Variants in NKAIN2 observed in about 807,000 individuals in gnomAD.
NKAIN2 encodes the protein sodium/potassium-transporting ATPase subunit beta-1-interacting protein 2.
NKAIN2 carries 14 observed loss-of-function variants against 32.6 expected under a neutral mutation model. The observed-to-expected ratio is 0.43, with a 90% CI of 0.28 to 0.67. The LOEUF is 0.67. NKAIN2 is among the 30% of genes least tolerant of loss of function. The pLI is 0.17. For missense variants in NKAIN2, 198 were observed against 258.3 expected (o/e 0.77, Z 1.60); for synonymous variants, 80 against 87.2 (o/e 0.92, Z 0.46).
chr6:123,988,903 G>GTGTGTA lies in NKAIN2; in HGVS notation c.54+184652_54+184653insGTATGT, dbSNP rs149176584. 8.9e-3 allele frequency among the ~76,000 whole-genome samples: 1,311 copies of GTGTGTA among 148,104 alleles called. 5 individuals carry two copies. Among genetic ancestry groups the GTGTGTA allele is most frequent in the East Asian group, 0.017 (87 of 5,018 alleles). On this transcript the variant is annotated intron_variant, in intron 1 of 6. Coordinates refer to ENST00000368417, the MANE Select transcript of NKAIN2 (RefSeq NM_001040214.3). ...TGTGTGTGTGTGTGTGTGTGTGTGT[G>GTGTGTA]TGTATGTGAGTGTGTATTTGCTGCT...
In NKAIN2 at chr6:124,306,573, AG is replaced by A. The variant is rs1366429323; in HGVS notation, c.192+23432del. Among the ~76,000 whole-genome samples, 6 of 152,298 alleles carry A rather than the reference AG, an allele frequency of 3.9e-5. No homozygotes were observed. In the East Asian group the frequency reaches 9.6e-4, roughly 24 times the overall value. ...AGTACTTCTATTGATCAATACAGCA[AG>A]CTGCCTTTGAAGTTTATATGCTGAG... On this transcript the variant is annotated intron_variant, in intron 2 of 6. Coordinates refer to ENST00000368417, the MANE Select transcript of NKAIN2 (RefSeq NM_001040214.3).
chr6:123,812,704 C>T (rs1368242055), intron 1 of NKAIN2, among the ~76,000 whole-genome samples: 1 of 152,186 alleles, frequency 6.6e-6, no homozygotes, highest in Non-Finnish European at 1.5e-5. Context: ...CTAGCTTTTC[C>T]AGCATCTCAG....
At chr6:124,028,751 A>ACACG (rs1219216872) in intron 1 of NKAIN2, among the ~76,000 whole-genome samples, 1 of 142,424 alleles carries the variant, frequency 7.0e-6, no homozygotes, top group African/African-American at 2.9e-5. Flanking sequence ...ATATGTGTAT[A>ACACG]TATACAAGTA....
At chr6:123,938,420 A>ATT (rs1284380433) in intron 1 of NKAIN2, among the ~76,000 whole-genome samples, 79 of 40,988 alleles carry the variant, frequency 1.9e-3, no homozygotes, top group African/African-American at 0.012. Flanking sequence ...ATATATATAT[A>ATT]TATATATATA....
chr6:124,685,632 A>G (rs1255667049), intron 4 of NKAIN2, among the ~76,000 whole-genome samples: 2 of 152,200 alleles, frequency 1.3e-5, no homozygotes, highest in Admixed American at 6.5e-5. Flanking sequence ...ATGAAATGCT[A>G]TCCTAAGAAC....
rs373377675 is a variant in NKAIN2, at chr6:124,737,780, A to T, written c.475-53559A>T. 8.6e-5 allele frequency among the ~76,000 whole-genome samples: 13 copies of T among 151,988 alleles called. No homozygotes were observed. The East Asian group carries it at 2.1e-3, about 25-fold the overall frequency. On this transcript the variant is annotated intron_variant, in intron 4 of 6. Coordinates refer to ENST00000368417, the MANE Select transcript of NKAIN2 (RefSeq NM_001040214.3). The stretch of plus-strand genomic sequence containing the variant: ...CAGGCTGAGGTGGTCTCAGATGGTG[A>T]TGAGGAACTTGTTGAGAACTGGAGC...
chr6:124,522,211 ATATTC>A lies in NKAIN2; in HGVS notation c.274-135968_274-135964del, dbSNP rs1433676049. Among the ~76,000 whole-genome samples, 58 of 152,326 alleles carry A rather than the reference ATATTC, an allele frequency of 3.8e-4. 1 individual carries two copies. The highest frequency in any genetic ancestry group is 1.4e-3 in the African/African-American group (57 of 41,588). On this transcript the variant is annotated intron_variant, in intron 3 of 6. Coordinates refer to ENST00000368417, the MANE Select transcript of NKAIN2 (RefSeq NM_001040214.3). ...GCCACTAACATATATCTGTAAAGTTATATTCTATTCTCTGATAAGAATGATGCTAT... is the reference window on the plus strand; with the variant it reads ...GCCACTAACATATATCTGTAAAGTTATATTCTCTGATAAGAATGATGCTAT...
chr6:123,899,121 T>C (rs919574170), intron 1 of NKAIN2, among the ~76,000 whole-genome samples: 1 of 152,200 alleles, frequency 6.6e-6, no homozygotes, highest in Non-Finnish European at 1.5e-5. Flanking sequence ...GTATGATAGG[T>C]ATTGATCTCA....
chr6:124,060,399 G>A (rs775731332), intron 1 of NKAIN2, among the ~76,000 whole-genome samples: 11 of 152,050 alleles, frequency 7.2e-5, no homozygotes, highest in Admixed American at 2.0e-4. Flanking sequence ...TATATACCAC[G>A]TCCTCCACCC....
At chr6:124,363,481 G>A (rs1164382795) in intron 3 of NKAIN2, among the ~76,000 whole-genome samples, 2 of 152,160 alleles carry the variant, frequency 1.3e-5, no homozygotes, top group Non-Finnish European at 2.9e-5. Context: ...AGTGCACATA[G>A]GCAATTTTTC....
At chr6:124,464,011 C>A (rs116613182) in intron 3 of NKAIN2, among the ~76,000 whole-genome samples, 6,918 of 152,126 alleles carry the variant, frequency 0.045, 543 homozygotes, top group African/African-American at 0.16. Context: ...GTGACAAAGT[C>A]TTACTTTGTC....
intron 1 of NKAIN2, among the ~76,000 whole-genome samples, chr6:124,005,844 A>G (rs572824739): frequency 2.0e-5 from 3 of 152,150 alleles, no homozygotes; most frequent in South Asian, 4.1e-4. Context: ...CACTTGGTCA[A>G]TCTATCACTA....
At chr6:124,206,457 G>A (rs953221446) in intron 1 of NKAIN2, among the ~76,000 whole-genome samples, 1 of 151,856 alleles carries the variant, frequency 6.6e-6, no homozygotes, top group Non-Finnish European at 1.5e-5. Context: ...AAATTTAAGA[G>A]ATTGTTTTTT....
chr6:124,559,149 T>C (rs1583438007), intron 3 of NKAIN2, among the ~76,000 whole-genome samples: 1 of 152,184 alleles, frequency 6.6e-6, no homozygotes, highest in Non-Finnish European at 1.5e-5. Context: ...TGGACTGATA[T>C]GAATCTTGAA....
intron 4 of NKAIN2, among the ~76,000 whole-genome samples, chr6:124,682,845 A>G (rs1385391563): frequency 3.3e-5 from 5 of 152,262 alleles, no homozygotes; most frequent in Middle Eastern, 3.4e-3. Flanking sequence ...CACCCTACAT[A>G]TGGAAGGCCC....
chr6:124,158,244 T>C lies in NKAIN2; in HGVS notation c.55-124761T>C, dbSNP rs187959417. On this transcript the variant is annotated intron_variant, in intron 1 of 6. Transcript: ENST00000368417. Reference sequence around the variant, plus strand: ...TCTTCTTATGCATCCCTGGTGTCGCTGTGTGTCCTAATCACCTCTTCTTAT... The same window carrying C: ...TCTTCTTATGCATCCCTGGTGTCGCCGTGTGTCCTAATCACCTCTTCTTAT... Among the ~76,000 whole-genome samples, 133 of 152,256 alleles carry C rather than the reference T, an allele frequency of 8.7e-4. 1 individual carries two copies. The highest frequency in any genetic ancestry group is 6.8e-3 in the Middle Eastern group (2 of 294).
intron 1 of NKAIN2, among the ~76,000 whole-genome samples, chr6:124,194,682 T>C (rs1395961856): frequency 6.6e-6 from 1 of 152,148 alleles, no homozygotes; most frequent in Non-Finnish European, 1.5e-5. Flanking sequence ...TAGTACACGA[T>C]GCTATATTAT....
intron 1 of NKAIN2, among the ~76,000 whole-genome samples, chr6:124,002,081 A>G (rs1269752328): frequency 6.6e-6 from 1 of 152,046 alleles, no homozygotes; most frequent in Non-Finnish European, 1.5e-5. Flanking sequence ...GAAAAAGGAA[A>G]TATCTTCATA....
At chr6:124,784,546 G>C (rs1184752405) in intron 4 of NKAIN2, among the ~76,000 whole-genome samples, 2 of 152,012 alleles carry the variant, frequency 1.3e-5, no homozygotes, top group African/African-American at 2.4e-5. Context: ...GCAGGCTGTT[G>C]CATGTATCAG....
Sources: allele counts gnomAD v4.1 joint callset (sites outside exome capture counted in the v4.1 genomes callset), GRCh38; gene constraint gnomAD v4.1.1; transcripts MANE v1.5; gene names NCBI Gene and HGNC (gene_info 2026-07-23, HGNC 2026-07-21).